TCOF1: variants seen among roughly 807,000 people sequenced by gnomAD.
TCOF1 encodes the protein treacle ribosome biogenesis factor 1.
TCOF1 carries 33 observed loss-of-function variants against 149.0 expected under a neutral mutation model. The observed-to-expected ratio is 0.22, with a 90% CI of 0.17 to 0.30. The LOEUF is 0.30. TCOF1 is among the 10% of genes least tolerant of loss of function. TCOF1 has a pLI of 1.00. For missense variants in TCOF1, 1,728 were observed against 1,840.7 expected, an observed-to-expected ratio of 0.94 and a Z score of 1.12; for synonymous variants, 789 against 738.8, an observed-to-expected ratio of 1.07 and a Z score of -1.10.
In TCOF1 at chr5:150,369,617, T is replaced by C; in HGVS notation, c.639+15T>C. The C allele has an allele frequency of 6.2e-7, 1 of 1,613,860 alleles. No individual in the cohort carries two copies. Among genetic ancestry groups the C allele is most frequent in the Non-Finnish European group, 8.5e-7 (1 of 1,179,944 alleles). ...CAGACGTGGAGGTAATTGCCACCCA[T>C]CCCTAGGAGTTGCCCTCTCCCAGCC... On this transcript the variant is annotated intron_variant, in intron 6 of 26. Transcript: ENST00000643257.
chr5:150,379,747 G>A lies in TCOF1; in HGVS notation c.2859+15G>A, dbSNP rs757735555. The A allele has an allele frequency of 9.3e-6, 15 of 1,612,412 alleles. No homozygotes were observed. In the South Asian group the frequency reaches 1.3e-4, roughly 14 times the overall value. The stretch of plus-strand genomic sequence containing the variant: ...CCTCTGCCCAGGTAAGACTTGCCAG[G>A]CCTCTGAGCCACCAACACTCACTCC... On this transcript the variant is annotated intron_variant, in intron 17 of 26. Transcript: ENST00000643257.
intron 6 of TCOF1, among the ~76,000 whole-genome samples, chr5:150,371,343 C>G (rs572686280): frequency 1.3e-5 from 2 of 152,276 alleles, no homozygotes; most frequent in East Asian, 1.9e-4. Context: ...TCTGTCACCC[C>G]AGGCCTTGCC....
In TCOF1 at chr5:150,376,498, G is replaced by A. The variant is rs371344890; in HGVS notation, c.2218G>A (p.Ala740Thr). The A allele has an allele frequency of 3.7e-6, 6 of 1,613,852 alleles. No individual in the cohort carries two copies. The African/African-American group carries it at 6.7e-5, about 18-fold the overall frequency. ...PVKGSLGQGT[A>T]PVLPGKTGPT... ...CAAGGGGTCCTTGGGGCAAGGGACT[G>A]CTCCAGTACTCCCTGGGAAGACGGG... Residue 740 changes from alanine (A) to threonine (T), a missense_variant, in exon 14 of 27, where the codon GCT (alanine) becomes ACT (threonine). Around this residue, in one of 2 missense-constraint regions of TCOF1, gnomAD observed 1,696 missense variants for 1,765.4 expected, o/e 0.96. Coordinates refer to ENST00000643257, the MANE Select transcript of TCOF1 (RefSeq NM_001371623.1).
At chr5:150,377,137 A>G (rs1377529636) in intron 14 of TCOF1, among the ~76,000 whole-genome samples, 1 of 152,214 alleles carries the variant, frequency 6.6e-6, no homozygotes, top group Non-Finnish European at 1.5e-5. Context: ...AGTCTGTGCG[A>G]GGCCAGGGAA....
chr5:150,363,967 T>G, intron 2 of TCOF1, 146 bp from the exon 3 acceptor site: 1 of 1,116,394 alleles, frequency 9.0e-7, no homozygotes, highest in Non-Finnish European at 1.3e-6. Flanking sequence ...AATACAAAAT[T>G]GTGCCTATAC....
chr5:150,371,839 G>A (rs1025926772), intron 6 of TCOF1, among the ~76,000 whole-genome samples, 167 bp from the exon 7 acceptor site: 7 of 152,314 alleles, frequency 4.6e-5, no homozygotes, highest in African/African-American at 1.7e-4. Context: ...TAAGCCTTGT[G>A]TACTTTTCTG....
At chr5:150,362,346 G>A (rs550564790) in intron 2 of TCOF1, among the ~76,000 whole-genome samples, 1 of 152,340 alleles carries the variant, frequency 6.6e-6, no homozygotes, top group South Asian at 2.1e-4. Context: ...CCTGACCACA[G>A]CTGACTAAGG....
chr5:150,367,177 CGT>C (rs1414544283), intron 3 of TCOF1, among the ~76,000 whole-genome samples: 1 of 151,958 alleles, frequency 6.6e-6, no homozygotes, highest in Non-Finnish European at 1.5e-5. Context: ...TGGTGGTGGA[CGT>C]CTGTAGTCCC....
chr5:150,375,967 C>G, intron 12 of TCOF1, 58 bp downstream of exon 12: 1 of 1,613,858 alleles, frequency 6.2e-7, no homozygotes, highest in Non-Finnish European at 8.5e-7. Flanking sequence ...ACAGTCAGCA[C>G]CCCCGGGGAG....
At chr5:150,390,164 T>G in intron 19 of TCOF1, 141 bp downstream of exon 19, 2 of 1,345,340 alleles carry the variant, frequency 1.5e-6, no homozygotes, top group Non-Finnish European at 2.0e-6. Context: ...GCCAGAGGCT[T>G]TCTGGCCTCC....
rs367744701 is a variant in TCOF1, at chr5:150,396,675, G to C, written c.4178G>C (p.Arg1393Thr). 2 of 1,612,350 alleles carry C rather than the reference G, an allele frequency of 1.2e-6. No individual in the cohort carries two copies. The highest frequency in any genetic ancestry group is 1.7e-6 in the Non-Finnish European group (2 of 1,179,352). The change falls in exon 24 of 27, where the codon AGA becomes ACA. Residue 1393 changes from arginine (R) to threonine (T), a missense_variant. By Grantham distance (71) the Arg-to-Thr change is moderately conservative. This residue lies in a region of TCOF1 where 1,696 missense variants were observed against 1,765.4 expected (regional missense o/e 0.96). Coordinates refer to ENST00000643257, the MANE Select transcript of TCOF1 (RefSeq NM_001371623.1). Reference protein sequence around the residue: ...TSTTSKGKAKRDKASGDVKEK... With the variant: ...TSTTSKGKAKTDKASGDVKEK... ...ACGACTTCCAAGGGGAAAGCAAAGA[G>C]AGACAAAGCAAGTGGTGATGTCAAG...
At chr5:150,372,418 A>C (rs568292195) in intron 7 of TCOF1, among the ~76,000 whole-genome samples, 182 bp downstream of exon 7, 8 of 152,190 alleles carry the variant, frequency 5.3e-5, no homozygotes, top group South Asian at 2.1e-4. Flanking sequence ...TCTGTGACCA[A>C]CTTTACCTCA....
At position 150,368,775 on chromosome 5, in the gene TCOF1, G is replaced by A; in HGVS notation, c.438G>A (p.Lys146=). 6.2e-7 allele frequency: 1 copy of A among 1,614,112 alleles called. No individual in the cohort carries two copies. The highest frequency in any genetic ancestry group is 8.5e-7 in the Non-Finnish European group (1 of 1,180,030). The stretch of plus-strand genomic sequence containing the variant: ...CCATGCCACACCCTGCCACTGGGAA[G>A]ACGGTGGCCAACCTTCTTTCTGGGA... ...GNSMPHPATG[K]TVANLLSGKS... Residue 146 remains lysine (K), a synonymous_variant, in exon 5 of 27, where the codon AAG becomes AAA. Transcript: ENST00000643257.
chr5:150,389,739 G>A, intron 18 of TCOF1, 148 bp from the exon 19 acceptor site: 1 of 1,431,466 alleles, frequency 7.0e-7, no homozygotes, highest in Non-Finnish European at 9.6e-7. Context: ...GGGAGGCTTG[G>A]AGAGGGAAGT....
intron 17 of TCOF1, chr5:150,384,423 T>A (rs1765850954): frequency 1.0e-6 from 1 of 985,238 alleles, no homozygotes; most frequent in African/African-American, 1.7e-5. Flanking sequence ...ACCTGGTGTT[T>A]GAGCACAGGC....
chr5:150,368,633 A>C lies in TCOF1; in HGVS notation c.379-83A>C, dbSNP rs1761880222. The C allele has an allele frequency of 2.7e-6, 4 of 1,509,296 alleles. No homozygotes were observed. In the South Asian group the frequency reaches 3.4e-5, roughly 13 times the overall value. The allele number at this position is 1,509,296 out of a possible 1,614,324, so 93.5% of individuals were successfully genotyped here. On this transcript the variant is annotated intron_variant, in intron 4 of 26. Coordinates refer to ENST00000643257, the MANE Select transcript of TCOF1 (RefSeq NM_001371623.1). The stretch of plus-strand genomic sequence containing the variant: ...CAAACTCACACAGCTAAGAAGTGGT[A>C]AGATTGGGTTCAGATGCAAGTGGCC...
At position 150,361,209 on chromosome 5, in the gene TCOF1, A is replaced by G. The variant is rs73270831; in HGVS notation, c.162A>G (p.Gln54=). 3,069 of 1,614,118 alleles carry G rather than the reference A, an allele frequency of 1.9e-3. 48 individuals carry two copies. In the African/African-American group the frequency reaches 0.031, roughly 17 times the overall value. ...TTCTGGACATCTATACACACTGGCA[A>G]CAGTAAGTGGTGGGGCCTATAGGGT... ...VTLLDIYTHW[Q]QTSELGRKRK... The change falls in exon 2 of 27, where the codon CAA becomes CAG. Residue 54 remains glutamine, a splice_region_variant and synonymous_variant. Coordinates refer to ENST00000643257, the MANE Select transcript of TCOF1 (RefSeq NM_001371623.1).
chr5:150,396,855 T>C lies in TCOF1; in HGVS notation c.4345+13T>C, dbSNP rs1341962128. On this transcript the variant is annotated intron_variant, in intron 24 of 26. Transcript: ENST00000643257. ...AAATCCGACAAGAGTGAGTGACCGC[T>C]TCTCCCAGCCCACCCCAAGGGCTGC... is the stretch of plus-strand genomic sequence containing the variant. The C allele has an allele frequency of 2.5e-6, 4 of 1,581,462 alleles. No homozygotes were observed. The highest frequency in any genetic ancestry group is 2.3e-5 in the South Asian group (2 of 86,910).
Position 150,368,883 on chromosome 5 carries a change from T to G in TCOF1, c.546T>G (p.Phe182Leu), listed in dbSNP as rs1169737613. Reference protein sequence around the residue: ...ETEEEGSVPAFGAAAKPGMVS... With the variant: ...ETEEEGSVPALGAAAKPGMVS... ...AGGAGGAGGGCAGCGTCCCGGCCTTTGGAGCTGCTGCCAAGCCTGGTAAGA... is the reference window on the plus strand; with the variant it reads ...AGGAGGAGGGCAGCGTCCCGGCCTTGGGAGCTGCTGCCAAGCCTGGTAAGA... Residue 182 changes from phenylalanine to leucine, a missense_variant, in exon 5 of 27, where the codon TTT (phenylalanine) becomes TTG (leucine). This residue lies in a region of TCOF1 where 1,696 missense variants were observed against 1,765.4 expected (regional missense o/e 0.96). Transcript: ENST00000643257. 2 of 1,613,728 alleles carry G rather than the reference T, an allele frequency of 1.2e-6. No homozygotes were observed. Among genetic ancestry groups the G allele is most frequent in the Non-Finnish European group, 1.7e-6 (2 of 1,180,028 alleles).
Sources: allele counts gnomAD v4.1 joint callset (sites outside exome capture counted in the v4.1 genomes callset), GRCh38; gene constraint gnomAD v4.1.1; regional missense constraint gnomAD v4.1.1; transcripts MANE v1.5; gene names NCBI Gene and HGNC (gene_info 2026-07-23, HGNC 2026-07-21).